MAGI1: variants seen among roughly 807,000 people sequenced by gnomAD.
The protein encoded by MAGI1 is membrane associated guanylate kinase, WW and PDZ domain containing 1.
A neutral mutation model predicts 139.9 loss-of-function variants in MAGI1; 58 were observed. The ratio of observed to expected loss-of-function variants is 0.41; its 90% confidence interval spans 0.34 to 0.52. MAGI1 has a LOEUF of 0.52. Among genes scored for constraint, MAGI1 ranks in the 20% least tolerant of loss-of-function variants. The pLI, the probability that MAGI1 is intolerant of heterozygous loss-of-function variation, is 0.12. For missense variants in MAGI1, 1,874 were observed against 1,901.6 expected, an observed-to-expected ratio of 0.99 and a Z score of 0.27; for synonymous variants, 812 against 737.9, an observed-to-expected ratio of 1.10 and a Z score of -1.63.
chr3:65,958,337 T>A (rs1335994033), intron 1 of MAGI1, among the ~76,000 whole-genome samples: 1 of 152,226 alleles, frequency 6.6e-6, no homozygotes, highest in African/African-American at 2.4e-5. Flanking sequence ...CCCTCCAATG[T>A]TCAACTCAGC....
At chr3:66,036,832 T>C (rs894434161) in intron 1 of MAGI1, among the ~76,000 whole-genome samples, 2 of 152,196 alleles carry the variant, frequency 1.3e-5, no homozygotes, top group Admixed American at 6.5e-5. Flanking sequence ...GTCATGGCAC[T>C]TGCTTGCACA....
At chr3:65,570,721 G>A (rs980806121) in intron 2 of MAGI1, among the ~76,000 whole-genome samples, 1 of 152,092 alleles carries the variant, frequency 6.6e-6, no homozygotes, top group African/African-American at 2.4e-5. Flanking sequence ...TGGGCATCTG[G>A]GCATCTAAGT....
Position 65,451,903 on chromosome 3 carries a change from C to T in MAGI1, c.1042+1355G>A, listed in dbSNP as rs561649663. 3.2e-3 allele frequency among the ~76,000 whole-genome samples: 481 copies of T among 152,256 alleles called. 2 individuals carry two copies. Among genetic ancestry groups the T allele is most frequent in the African/African-American group, 0.011 (464 of 41,538 alleles). Reference sequence around the variant, plus strand: ...GCTCAAGTGATCCTCCTGCCTCAGCCTCCCAAAGTGCTGAGATTACAGGTA... The same window carrying T: ...GCTCAAGTGATCCTCCTGCCTCAGCTTCCCAAAGTGCTGAGATTACAGGTA... On this transcript the variant is annotated intron_variant, in intron 6 of 22. Coordinates refer to ENST00000402939, the MANE Select transcript of MAGI1 (RefSeq NM_001033057.2).
At chr3:65,919,206 C>T (rs2062051840) in intron 1 of MAGI1, among the ~76,000 whole-genome samples, 1 of 152,190 alleles carries the variant, frequency 6.6e-6, no homozygotes. Flanking sequence ...AAAATGCTGA[C>T]TTCTCATTCT....
chr3:65,429,760 T>A lies in MAGI1; in HGVS notation c.1927A>T (p.Thr643Ser). 1 of 1,613,948 alleles carries A rather than the reference T, an allele frequency of 6.2e-7. No individual in the cohort carries two copies. Among genetic ancestry groups the A allele is most frequent in the Non-Finnish European group, 8.5e-7 (1 of 1,179,940 alleles). ...ATTGGCCCTTTGACAATATGAACAG[T>A]TATGAGTTCTGGCTGAGTGGCTATG... ...SSIATQPELI[T>S]VHIVKGPMGF... is the part of the protein sequence containing the mutation. The change falls in exon 12 of 23, where the codon ACT (threonine) becomes TCT (serine). Residue 643 changes from threonine (T) to serine (S), a missense_variant. Thr to Ser is a moderately conservative substitution (Grantham distance 58). Transcript: ENST00000402939.
At chr3:65,765,777 T>C (rs994912119) in intron 1 of MAGI1, among the ~76,000 whole-genome samples, 6 of 152,236 alleles carry the variant, frequency 3.9e-5, no homozygotes, top group African/African-American at 1.4e-4. Context: ...TATGAGTCAA[T>C]GGACAGTCTT....
chr3:65,991,224 G>A (rs916641794), intron 1 of MAGI1, among the ~76,000 whole-genome samples: 2 of 150,582 alleles, frequency 1.3e-5, no homozygotes, highest in Admixed American at 6.6e-5. Flanking sequence ...AGAAGGTGGC[G>A]GTTGCAATGA....
chr3:65,563,068 T>C (rs987874661), intron 2 of MAGI1, among the ~76,000 whole-genome samples: 9 of 152,210 alleles, frequency 5.9e-5, no homozygotes, highest in Admixed American at 5.2e-4. Flanking sequence ...TTTTATGACT[T>C]CCCTTTATAT....
chr3:65,600,410 C>T (rs2082422804), intron 2 of MAGI1, among the ~76,000 whole-genome samples: 1 of 152,152 alleles, frequency 6.6e-6, no homozygotes, highest in African/African-American at 2.4e-5. Context: ...CCAGGTTTCT[C>T]TATGTGCAAG....
At position 65,478,817 on chromosome 3, in the gene MAGI1, C is replaced by A. The variant is rs747345511; in HGVS notation, c.551-19G>T. ...TAGTTTCCTAGGTGATGGAGAGACA[C>A]ATTTGCATGTTTCAAAAGGAATACT... On this transcript the variant is annotated intron_variant, in intron 3 of 22. Coordinates refer to ENST00000402939, the MANE Select transcript of MAGI1 (RefSeq NM_001033057.2). The A allele has an allele frequency of 6.4e-7, 1 of 1,573,392 alleles. No individual in the cohort carries two copies. The highest frequency in any genetic ancestry group is 1.7e-5 in the Admixed American group (1 of 59,692).
chr3:65,670,665 C>T (rs1488505617), intron 1 of MAGI1, among the ~76,000 whole-genome samples: 1 of 152,118 alleles, frequency 6.6e-6, no homozygotes, highest in East Asian at 1.9e-4. Context: ...GTTTCTTTCT[C>T]TGGGATCATG....
At chr3:65,865,709 C>T (rs147673725) in intron 1 of MAGI1, among the ~76,000 whole-genome samples, 6,574 of 152,298 alleles carry the variant, frequency 0.043, 471 homozygotes, top group African/African-American at 0.15. Context: ...GGCGCAATCT[C>T]GGCTCACTGC....
intron 1 of MAGI1, among the ~76,000 whole-genome samples, chr3:65,647,813 G>A (rs1048935432): frequency 6.6e-6 from 1 of 152,086 alleles, no homozygotes; most frequent in Non-Finnish European, 1.5e-5. Context: ...TGCTGGTAAA[G>A]AATACCCAAA....
chr3:65,625,485 A>C lies in MAGI1; in HGVS notation c.314-3397T>G, dbSNP rs144327325. The stretch of plus-strand genomic sequence containing the variant: ...TGTTTATTAGCTGGTGAGTCTGAGA[A>C]CAGGGCTTAATCTCTGAACCTTGCT... On this transcript the variant is annotated intron_variant, in intron 1 of 22. Transcript: ENST00000402939. 5.3e-3 allele frequency among the ~76,000 whole-genome samples: 800 copies of C among 152,290 alleles called. 9 individuals are homozygous for C. Among genetic ancestry groups the C allele is most frequent in the African/African-American group, 0.019 (773 of 41,562 alleles).
At chr3:65,604,513 G>T (rs1350234947) in intron 2 of MAGI1, among the ~76,000 whole-genome samples, 4 of 152,098 alleles carry the variant, frequency 2.6e-5, no homozygotes, top group Non-Finnish European at 5.9e-5. Context: ...GTTTTTCCTG[G>T]CTTGTGGAAT....
intron 1 of MAGI1, among the ~76,000 whole-genome samples, chr3:65,693,405 C>G (rs1428032774): frequency 6.6e-6 from 1 of 152,196 alleles, no homozygotes; most frequent in Admixed American, 6.5e-5. Context: ...CCCTTGTCCA[C>G]AGTGCCCCCA....
rs2087216640 is a variant in MAGI1 at position 65,676,754 on chromosome 3, C to A, written c.314-54666G>T. On this transcript the variant is annotated intron_variant, in intron 1 of 22. Transcript: ENST00000402939. ...CAACTCCAAGCCCAATCCTTTTGTTCTTTTCTCAGGAGCTTTAGAAAACAG... is the reference window on the plus strand; with the variant it reads ...CAACTCCAAGCCCAATCCTTTTGTTATTTTCTCAGGAGCTTTAGAAAACAG... Among the ~76,000 whole-genome samples, 3 of 152,182 alleles carry A rather than the reference C, an allele frequency of 2.0e-5. No homozygotes were observed. In the South Asian group the frequency reaches 6.2e-4, roughly 32 times the overall value.
intron 4 of MAGI1, among the ~76,000 whole-genome samples, chr3:65,473,181 A>C (rs1337008285): frequency 6.6e-6 from 1 of 152,156 alleles, no homozygotes; most frequent in African/African-American, 2.4e-5. Flanking sequence ...ATTATGATTA[A>C]TTTTGTCTTC....
chr3:65,638,681 C>A (rs1286717714), intron 1 of MAGI1, among the ~76,000 whole-genome samples: 1 of 141,632 alleles, frequency 7.1e-6, no homozygotes, highest in East Asian at 2.2e-4. Context: ...GCGATCTCAG[C>A]TCACTGCAAC....
Sources: gnomAD v4.1 joint callset for allele counts (sites outside exome capture counted in the v4.1 genomes callset) on GRCh38, gnomAD v4.1.1 for gene constraint, MANE v1.5 for transcripts, NCBI Gene and HGNC (gene_info 2026-07-23, HGNC 2026-07-21) for gene names.